Variants in ZNF717 observed in about 807,000 individuals in gnomAD.
ZNF717 encodes krueppel-like factor X17.
ZNF717 carries 9 observed loss-of-function variants against 13.8 expected under a neutral mutation model. The ratio of observed to expected loss-of-function variants is 0.65; its 90% CI spans 0.39 to 1.14. ZNF717 has a LOEUF of 1.14. ZNF717 is among the 50% of genes most tolerant of loss of function. The pLI is 0.01. For synonymous variants in ZNF717, 327 were observed against 364.1 expected (o/e 0.90, Z 1.16); for missense variants, 1,040 against 1,080.7 (o/e 0.96, Z 0.53).
At chr3:75,745,459 G>A (rs76617152) in intron 2 of ZNF717, among the ~76,000 whole-genome samples, 2 of 152,034 alleles carry the variant, frequency 1.3e-5, no homozygotes, top group Non-Finnish European at 1.5e-5. Context: ...ACATCAATTC[G>A]CATAGCTATC....
intron 2 of ZNF717, among the ~76,000 whole-genome samples, chr3:75,778,307 G>A (rs1575986348): frequency 2.0e-5 from 3 of 151,732 alleles, no homozygotes; most frequent in African/African-American, 7.2e-5. Flanking sequence ...AACAATGGGA[G>A]TGATCTGCTA....
At chr3:75,716,581 T>C (rs1277191097) in intron 4 of ZNF717, 9 of 152,108 alleles carry the variant, frequency 5.9e-5, no homozygotes, top group African/African-American at 1.9e-4. Flanking sequence ...AAAAACAAGC[T>C]GTGAAAGAAA....
At chr3:75,759,315 G>T (rs1280381747) in intron 2 of ZNF717, among the ~76,000 whole-genome samples, 5 of 139,858 alleles carry the variant, frequency 3.6e-5, no homozygotes, top group Non-Finnish European at 6.1e-5. Context: ...TTGCTCTGTT[G>T]CCCAGGCCAT....
At chr3:75,781,133 G>A (rs549898413) in intron 2 of ZNF717, among the ~76,000 whole-genome samples, 3 of 152,398 alleles carry the variant, frequency 2.0e-5, no homozygotes, top group Admixed American at 1.3e-4. Flanking sequence ...ATGAGTCCTT[G>A]TGGATGAACT....
intron 5 of ZNF717, among the ~76,000 whole-genome samples, chr3:75,716,055 C>T (rs1448671123): frequency 6.6e-6 from 1 of 151,898 alleles, no homozygotes; most frequent in East Asian, 1.9e-4. Flanking sequence ...ACTGCAACCT[C>T]CACTTCCCAG....
At chr3:75,774,241 T>C (rs965955681) in intron 2 of ZNF717, among the ~76,000 whole-genome samples, 8 of 151,962 alleles carry the variant, frequency 5.3e-5, no homozygotes, top group African/African-American at 1.9e-4. Context: ...AAGGTAAGTC[T>C]TCCCTCTATC....
At chr3:75,732,348 C>T (rs1387710367), downstream of ZNF717, among the ~76,000 whole-genome samples, 1 of 152,264 alleles carries the variant, frequency 6.6e-6, no homozygotes, top group Non-Finnish European at 1.5e-5. Flanking sequence ...AGTCCAAAAG[C>T]AGAGACTCAC....
At chr3:75,783,416 G>C (rs1348011267) in intron 1 of ZNF717, 52 bp from the exon 2 acceptor site, 1 of 1,438,558 alleles carries the variant, frequency 7.0e-7, no homozygotes, top group Non-Finnish European at 9.5e-7. Flanking sequence ...GTGTGGTGTG[G>C]TCCCAGATTC....
intron 2 of ZNF717, among the ~76,000 whole-genome samples, chr3:75,763,525 A>T (rs147443538): frequency 6.6e-6 from 1 of 152,232 alleles, no homozygotes; most frequent in Non-Finnish European, 1.5e-5. Flanking sequence ...ATACGTAAAG[A>T]ACTCCTACAG....
chr3:75,760,770 A>C (rs193155519), intron 2 of ZNF717, among the ~76,000 whole-genome samples: 5,459 of 152,072 alleles, frequency 0.036, 99 homozygotes, highest in South Asian at 0.061. Context: ...AAAACTAATG[A>C]CAAACCAAGC....
At chr3:75,728,256 T>G (rs1427947901), downstream of ZNF717, among the ~76,000 whole-genome samples, 1 of 152,266 alleles carries the variant, frequency 6.6e-6, no homozygotes. Flanking sequence ...ATATCATCTC[T>G]GGAACACTTC....
chr3:75,778,036 TA>T (rs1944473766), intron 2 of ZNF717, among the ~76,000 whole-genome samples: 1 of 143,086 alleles, frequency 7.0e-6, no homozygotes, highest in Non-Finnish European at 1.5e-5. Flanking sequence ...AGTGATGTGC[TA>T]AAACCAGAAC....
chr3:75,697,430 G>T (rs1937615460), intron 6 of ZNF717, among the ~76,000 whole-genome samples: 1 of 152,414 alleles, frequency 6.6e-6, no homozygotes, highest in Non-Finnish European at 1.5e-5. Context: ...CATCCCATTT[G>T]GTACTATCCT....
chr3:75,701,907 G>C (rs148006075), intron 6 of ZNF717, among the ~76,000 whole-genome samples: 12,127 of 99,068 alleles, frequency 0.12, no homozygotes, highest in East Asian at 0.27. Context: ...GATCATCATA[G>C]AAATGCAAAT....
downstream of ZNF717, among the ~76,000 whole-genome samples, chr3:75,734,951 G>A (rs796810523): frequency 9.8e-4 from 148 of 151,266 alleles, no homozygotes; most frequent in Middle Eastern, 3.5e-3. Context: ...CAAGCCTCCC[G>A]AGTAGCTGGG....
chr3:75,732,395 C>A (rs1938643750), downstream of ZNF717, among the ~76,000 whole-genome samples: 2 of 152,260 alleles, frequency 1.3e-5, no homozygotes, highest in Non-Finnish European at 2.9e-5. Flanking sequence ...CTCCAGAACT[C>A]TTCTGCTACA....
exon 5 of ZNF717, chr3:75,716,480 C>T (rs1938056795): frequency 6.6e-6 from 1 of 152,084 alleles, no homozygotes; most frequent in South Asian, 2.1e-4. Context: ...ATTAAGGTAG[C>T]TTATCCAAAC....
At position 75,784,131 on chromosome 3, in the gene ZNF717, G is replaced by A. The variant is rs75020993; in HGVS notation, c.-2-767C>T. On this transcript the variant is annotated intron_variant, in intron 1 of 4. Coordinates refer to ENST00000652011, the MANE Select transcript of ZNF717 (RefSeq NM_001290208.3). The stretch of plus-strand genomic sequence containing the variant: ...GCCTAGCCAAGAGTCACCACAAACC[G>A]CCAGATTGTGAAGGAAACTATCTTA... Among the ~76,000 whole-genome samples, 13 of 152,252 alleles carry A rather than the reference G, an allele frequency of 8.5e-5. No homozygotes were observed. In the East Asian group the frequency reaches 1.2e-3, roughly 14 times the overall value.
In ZNF717 at chr3:75,737,352, A is replaced by G. The variant is rs1553659419; in HGVS notation, c.2271T>C (p.Pro757=). Reference sequence around the variant, plus strand: ...TTTTCCCACACTCATTACATTCATAAGGTTTTTCTCCGGTATGGGTTCTAT... The same window carrying G: ...TTTTCCCACACTCATTACATTCATAGGGTTTTTCTCCGGTATGGGTTCTAT... ...VHHRTHTGEK[P]YECNECGKTF... Residue 757 remains proline, a synonymous_variant, in exon 5 of 5, where the codon CCT becomes CCC. Transcript: ENST00000652011. 6.4e-7 allele frequency: 1 copy of G among 1,552,454 alleles called. No individual in the cohort carries two copies.
Sources: gnomAD v4.1 joint callset for allele counts (sites outside exome capture counted in the v4.1 genomes callset) on GRCh38, gnomAD v4.1.1 for gene constraint, MANE v1.5 for transcripts, NCBI Gene and HGNC (gene_info 2026-07-23, HGNC 2026-07-21) for gene names.